Variants in OVOL2 observed in about 807,000 individuals in gnomAD.
OVOL2 encodes the protein transcription factor Ovo-like 2.
A neutral mutation model predicts 18.1 loss-of-function variants in OVOL2; 13 were observed. That is an observed-to-expected ratio of 0.72 (90% confidence interval 0.47 to 1.14). OVOL2 has a LOEUF of 1.14. Among genes scored for constraint, OVOL2 ranks in the 50% most tolerant of loss-of-function variants. The pLI is 0.00. For missense variants in OVOL2, 335 were observed against 383.0 expected (o/e 0.87, Z 1.05); for synonymous variants, 166 against 162.7 (o/e 1.02, Z -0.16).
intron 3 of OVOL2, among the ~76,000 whole-genome samples, chr20:18,040,680 T>G (rs1366267646): frequency 1.3e-5 from 2 of 152,132 alleles, no homozygotes; most frequent in Non-Finnish European, 2.9e-5. Context: ...TGTGAAGAAC[T>G]GGAACTGGGG....
intron 2 of OVOL2, among the ~76,000 whole-genome samples, chr20:18,043,641 C>T (rs1300253130): frequency 6.6e-6 from 1 of 152,148 alleles, no homozygotes; most frequent in Admixed American, 6.6e-5. Flanking sequence ...TCTTGACCCA[C>T]GAAATCATAA....
chr20:18,057,584 G>A lies in OVOL2; in HGVS notation c.51C>T (p.Arg17=). The change falls in exon 1 of 4, where the codon CGC becomes CGT. Residue 17 remains arginine, a synonymous_variant. Transcript: ENST00000278780. This position sits in a 1 kb window ranked among gnomAD's most constrained non-coding sequence, Gnocchi z 6.3. ...VKRRSLGVSV[R]SWDELPDEKR... ...TCTCATCCGGGAGCTCATCCCAGCT[G>A]CGGACCGAGACCCCCAGGCTCCTCC... 6.3e-7 allele frequency: 1 copy of A among 1,598,570 alleles called. No individual in the cohort carries two copies. The highest frequency in any genetic ancestry group is 8.5e-7 in the Non-Finnish European group (1 of 1,172,394).
At chr20:18,049,096 C>T (rs1469106908) in intron 2 of OVOL2, among the ~76,000 whole-genome samples, 1 of 152,222 alleles carries the variant, frequency 6.6e-6, no homozygotes, top group African/African-American at 2.4e-5. Context: ...TCTCCAACCC[C>T]ATGGCCTGGC....
intron 2 of OVOL2, among the ~76,000 whole-genome samples, chr20:18,047,679 C>T (rs1044319971): frequency 1.3e-5 from 2 of 149,362 alleles, no homozygotes; most frequent in East Asian, 2.0e-4. Flanking sequence ...CATGGTGAAA[C>T]CCCGCCTCTA....
intron 3 of OVOL2, among the ~76,000 whole-genome samples, chr20:18,039,086 T>C (rs555945279): frequency 6.6e-6 from 1 of 152,184 alleles, no homozygotes; most frequent in East Asian, 1.9e-4. Flanking sequence ...TACATCAAGC[T>C]CAAAAACAGG....
In OVOL2 at chr20:18,055,089, C is replaced by A. The variant is rs139313232; in HGVS notation, c.321+1568G>T. On this transcript the variant is annotated intron_variant, in intron 2 of 3. Coordinates refer to ENST00000278780, the MANE Select transcript of OVOL2 (RefSeq NM_021220.4). ...TTCAGGAGTGAACTGTGCCTCCCGCCCCCCTTCCCCCAGCACACAGGCAAC... is the reference window on the plus strand; with the variant it reads ...TTCAGGAGTGAACTGTGCCTCCCGCACCCCTTCCCCCAGCACACAGGCAAC... Among the ~76,000 whole-genome samples, 201 of 152,202 alleles carry A rather than the reference C, an allele frequency of 1.3e-3. No individual in the cohort carries two copies. The East Asian group carries it at 0.019, about 14-fold the overall frequency.
chr20:18,053,312 A>G (rs2036786128), intron 2 of OVOL2, among the ~76,000 whole-genome samples: 1 of 152,118 alleles, frequency 6.6e-6, no homozygotes, highest in South Asian at 2.1e-4. Context: ...AATCTATGCA[A>G]CTCTTCTAGG....
chr20:18,054,785 AAG>A (rs1491047092), intron 2 of OVOL2, among the ~76,000 whole-genome samples: 10 of 149,100 alleles, frequency 6.7e-5, no homozygotes, highest in African/African-American at 9.9e-5. Context: ...AAAAAAAAGA[AAG>A]AAAAGAAAAG....
chr20:18,029,638 T>G lies in OVOL2; in HGVS notation c.512-4686A>C, dbSNP rs139560277. On this transcript the variant is annotated intron_variant, in intron 3 of 3. Transcript: ENST00000278780. ...ATAATAATTTTCGTACTAACTGTGG[T>G]TCCTTCTGGGCAGTGTAATGACAAT... Among the ~76,000 whole-genome samples the G allele has an allele frequency of 2.6e-3, 393 of 152,198 alleles. 2 individuals carry two copies. The highest frequency in any genetic ancestry group is 9.3e-3 in the African/African-American group (385 of 41,520).
At position 18,053,860 on chromosome 20, in the gene OVOL2, T is replaced by G. The variant is rs111733778; in HGVS notation, c.321+2797A>C. Among the ~76,000 whole-genome samples the G allele has an allele frequency of 3.4e-3, 521 of 152,092 alleles. 4 individuals carry two copies. The highest frequency in any genetic ancestry group is 0.012 in the African/African-American group (489 of 41,488). On this transcript the variant is annotated intron_variant, in intron 2 of 3. Transcript: ENST00000278780. ...ATTTCCAGCTCTTTACCGCCAACTC[T>G]CTCCCTGACCCCAGCAAGCCCTGTT... is the stretch of plus-strand genomic sequence containing the variant.
At chr20:18,028,192 T>A (rs994653556) in intron 3 of OVOL2, among the ~76,000 whole-genome samples, 4 of 152,032 alleles carry the variant, frequency 2.6e-5, no homozygotes, top group Non-Finnish European at 5.9e-5. Flanking sequence ...ATTTTATTTT[T>A]TTGAGACTGA....
At chr20:18,048,359 A>G (rs1267073285) in intron 2 of OVOL2, among the ~76,000 whole-genome samples, 1 of 152,034 alleles carries the variant, frequency 6.6e-6, no homozygotes, top group Non-Finnish European at 1.5e-5. Context: ...AAGGGGAACT[A>G]AAAAAAACAA....
chr20:18,034,651 TCACACA>T (rs1555794800), intron 3 of OVOL2, among the ~76,000 whole-genome samples: 3 of 145,614 alleles, frequency 2.1e-5, no homozygotes, highest in African/African-American at 7.8e-5. Context: ...TCTCTCTCTC[TCACACA>T]CACACACACA....
rs751298916 is a variant in OVOL2 at position 18,037,150 on chromosome 20, A to AAAAAAAAAAAAAG, written c.511+4383_511+4384insCTTTTTTTTTTTT. Among the ~76,000 whole-genome samples the AAAAAAAAAAAAAG allele has an allele frequency of 1.9e-3, 275 of 147,092 alleles. 4 individuals carry two copies. Among genetic ancestry groups the AAAAAAAAAAAAAG allele is most frequent in the Non-Finnish European group, 3.0e-3 (198 of 66,188 alleles). On this transcript the variant is annotated intron_variant, in intron 3 of 3. Coordinates refer to ENST00000278780, the MANE Select transcript of OVOL2 (RefSeq NM_021220.4). ...GACTCCGTCTCAAAAAAAAAAAAAA[A>AAAAAAAAAAAAAG]AAAGAAAGAAACTGCAACAGGGCAG...
chr20:18,056,559 G>A lies in OVOL2; in HGVS notation c.321+98C>T. 1.7e-6 allele frequency: 2 copies of A among 1,199,040 alleles called. No homozygotes were observed. Among genetic ancestry groups the A allele is most frequent in the Non-Finnish European group, 1.0e-6 (1 of 965,704 alleles). The allele number at this position is 1,199,040 out of a possible 1,614,324, so 74.3% of individuals were successfully genotyped here. On this transcript the variant is annotated intron_variant, in intron 2 of 3. Coordinates refer to ENST00000278780, the MANE Select transcript of OVOL2 (RefSeq NM_021220.4). The surrounding 1 kb of genome is among the most constrained non-coding windows in gnomAD (Gnocchi z 4.2). ...GGGCGCGCTCGGGGCGCGGGTGCCG[G>A]GTTGCGCAGGCGGGCGCGGCAGGGA...
At chr20:18,039,770 A>T (rs1466997421) in intron 3 of OVOL2, among the ~76,000 whole-genome samples, 1 of 152,154 alleles carries the variant, frequency 6.6e-6, no homozygotes, top group Non-Finnish European at 1.5e-5. Flanking sequence ...GCAAACACGC[A>T]TGATATGAAC....
chr20:18,058,084 T>C (rs1237773437), upstream of OVOL2, among the ~76,000 whole-genome samples: 1 of 152,140 alleles, frequency 6.6e-6, no homozygotes, highest in African/African-American at 2.4e-5. Flanking sequence ...AGGAAGAACA[T>C]TTTTTAATCA....
intron 3 of OVOL2, among the ~76,000 whole-genome samples, chr20:18,029,992 C>T (rs949598572): frequency 1.3e-5 from 2 of 152,028 alleles, no homozygotes; most frequent in African/African-American, 4.8e-5. Context: ...AAACAGAAAA[C>T]AAACAAACCA....
At chr20:18,047,441 C>A (rs1353954530) in intron 2 of OVOL2, among the ~76,000 whole-genome samples, 1 of 149,488 alleles carries the variant, frequency 6.7e-6, no homozygotes, top group South Asian at 2.1e-4. Flanking sequence ...ACCCGGGAGG[C>A]GGAGGTTGCA....
Sources: allele counts gnomAD v4.1 joint callset (sites outside exome capture counted in the v4.1 genomes callset), GRCh38; gene constraint gnomAD v4.1.1; non-coding constraint Gnocchi (gnomAD v3.1); transcripts MANE v1.5; gene names NCBI Gene and HGNC (gene_info 2026-07-23, HGNC 2026-07-21).